Variants in SEPTIN12 observed in about 807,000 individuals in gnomAD.
The protein encoded by SEPTIN12 is septin-12.
SEPTIN12 carries 42 observed loss-of-function variants against 37.7 expected under a neutral mutation model. That is an observed-to-expected ratio of 1.11 (90% CI 0.87 to 1.44). The LOEUF (loss-of-function observed/expected upper bound fraction) is 1.44, where lower values mean the gene tolerates loss of function less well. Ranked by LOEUF, SEPTIN12 falls within the 40% of genes most tolerant of loss-of-function variation. The probability of loss-of-function intolerance (pLI) is 0.00; values close to 1 mark genes in which losing one functional copy is unlikely to be tolerated. For missense variants in SEPTIN12, 613 were observed against 479.2 expected (o/e 1.28, Z -2.61); for synonymous variants, 254 against 196.7 (o/e 1.29, Z -2.44).
intron 7 of SEPTIN12, among the ~76,000 whole-genome samples, chr16:4,781,566 T>C (rs1347113733): frequency 6.6e-6 from 1 of 152,112 alleles, no homozygotes; most frequent in Non-Finnish European, 1.5e-5. Context: ...CTTTTGTGTC[T>C]GACTGATTTT....
In SEPTIN12 at chr16:4,777,615, G is replaced by GAC. The variant is rs2082325075; in HGVS notation, c.*180_*181dup. The GAC allele has an allele frequency of 1.4e-5, 8 of 577,184 alleles. No homozygotes were observed. The highest frequency in any genetic ancestry group is 2.1e-5 in the Non-Finnish European group (7 of 327,000). The allele number at this position is 577,184 out of a possible 1,614,324, so 35.8% of individuals were successfully genotyped here. ...TGTACTCCAGCCTGGGTAACAGAGT[G>GAC]ACACCCAGCCTTTTTATTTGTGGAT... On this transcript the variant is annotated 3_prime_UTR_variant, in exon 10 of 10. Coordinates refer to ENST00000268231, the MANE Select transcript of SEPTIN12 (RefSeq NM_144605.5).
Position 4,783,734 on chromosome 16 carries a change from C to A in SEPTIN12, c.545G>T (p.Arg182Leu). The A allele has an allele frequency of 6.2e-7, 1 of 1,614,020 alleles. No homozygotes were observed. The highest frequency in any genetic ancestry group is 8.5e-7 in the Non-Finnish European group (1 of 1,179,976). Reference sequence around the variant, plus strand: ...CACCACATTCACAGTCCGGCACAGCCGCTGCAGGAACTCAATGTCCAGGGG... The same window carrying A: ...CACCACATTCACAGTCCGGCACAGCAGCTGCAGGAACTCAATGTCCAGGGG... Reference protein sequence around the residue: ...LRPLDIEFLQRLCRTVNVVPV... With the variant: ...LRPLDIEFLQLLCRTVNVVPV... The change falls in exon 6 of 10, where the codon CGG (arginine) becomes CTG (leucine). Residue 182 changes from arginine (R) to leucine (L), a missense_variant. Physicochemically the swap from Arg to Leu is moderately radical, Grantham distance 102. Coordinates refer to ENST00000268231, the MANE Select transcript of SEPTIN12 (RefSeq NM_144605.5).
chr16:4,777,937 T>C lies in SEPTIN12; in HGVS notation c.937A>G (p.Ile313Val). 1.2e-6 allele frequency: 2 copies of C among 1,608,544 alleles called. No individual in the cohort carries two copies. The highest frequency in any genetic ancestry group is 1.7e-6 in the Non-Finnish European group (2 of 1,177,802). Residue 313 changes from isoleucine (I) to valine (V), a missense_variant, in exon 10 of 10, where the codon ATC becomes GTC. Transcript: ENST00000268231. ...HNIHYENYRV[I>V]RLNESHLLPR... is the part of the protein sequence containing the mutation. ...AGCAGGTGGCTTTCATTGAGTCTGATGACGCGGTAGTTCTCATAGTGGATG... is the reference window on the plus strand; with the variant it reads ...AGCAGGTGGCTTTCATTGAGTCTGACGACGCGGTAGTTCTCATAGTGGATG...
intron 7 of SEPTIN12, among the ~76,000 whole-genome samples, chr16:4,780,424 T>C (rs954630872): frequency 6.6e-5 from 10 of 152,084 alleles, no homozygotes; most frequent in African/African-American, 1.4e-4. Flanking sequence ...TATTGGCACA[T>C]AGTTGAGCCT....
Position 4,777,984 on chromosome 16 carries a change from T to A in SEPTIN12, c.890A>T (p.Asp297Val). 6.2e-7 allele frequency: 1 copy of A among 1,611,922 alleles called. No individual in the cohort carries two copies. Among genetic ancestry groups the A allele is most frequent in the Non-Finnish European group, 8.5e-7 (1 of 1,179,106 alleles). The change falls in exon 10 of 10, where the codon GAC becomes GTC. Residue 297 changes from aspartate to valine, a missense_variant. Transcript: ENST00000268231. ...GATGTTGTGGGTTATGTCCTTCAGG[T>A]CTTGGAGGTGGGAGCTGGGGGACCG... ...RDLLIRSHLQDLKDITHNIHY... is the reference protein window; with the variant it reads ...RDLLIRSHLQVLKDITHNIHY...
intron 8 of SEPTIN12, 83 bp from the exon 9 acceptor site, chr16:4,778,220 C>A: frequency 7.2e-7 from 1 of 1,390,384 alleles, no homozygotes; most frequent in Non-Finnish European, 1.0e-6. Flanking sequence ...GACACCATTT[C>A]CCTTAGCCCT....
chr16:4,786,113 T>C lies in SEPTIN12; in HGVS notation c.167-8A>G. ...TGCCCAGCCCGCTTTGCCCTGGGAG[T>C]GGCAACCGGATGACAGCAGTTAGGG... is the stretch of plus-strand genomic sequence containing the variant. On this transcript the variant is annotated splice_region_variant and splice_polypyrimidine_tract_variant and intron_variant, in intron 2 of 9. Coordinates refer to ENST00000268231, the MANE Select transcript of SEPTIN12 (RefSeq NM_144605.5). The C allele has an allele frequency of 1.3e-6, 2 of 1,595,366 alleles. No homozygotes were observed. Among genetic ancestry groups the C allele is most frequent in the Non-Finnish European group, 1.7e-6 (2 of 1,168,550 alleles).
At position 4,777,846 on chromosome 16, in the gene SEPTIN12, G is replaced by C; in HGVS notation, c.1028C>G (p.Thr343Ser). ...ATGGGCCCCCCTGCAGACCTTGAAG[G>C]TCCGGGGGGTGGTCAGCTGTCCTGG... ...ASPGQLTTPRTFKVCRGAHDD... is the reference protein window; with the variant it reads ...ASPGQLTTPRSFKVCRGAHDD... Residue 343 changes from threonine (T) to serine (S), a missense_variant, in exon 10 of 10, where the codon ACC becomes AGC. Coordinates refer to ENST00000268231, the MANE Select transcript of SEPTIN12 (RefSeq NM_144605.5). 6.3e-7 allele frequency: 1 copy of C among 1,594,906 alleles called. No homozygotes were observed. The highest frequency in any genetic ancestry group is 8.5e-7 in the Non-Finnish European group (1 of 1,171,584).
intron 8 of SEPTIN12, 55 bp downstream of exon 8, chr16:4,779,635 G>C: frequency 1.8e-6 from 2 of 1,097,972 alleles, no homozygotes; most frequent in South Asian, 1.2e-5. Context: ...GCCCAAGGCT[G>C]CTCTGGTTTC....
chr16:4,790,768 G>A (rs1342861624), upstream of SEPTIN12, among the ~76,000 whole-genome samples: 1 of 152,154 alleles, frequency 6.6e-6, no homozygotes, highest in Non-Finnish European at 1.5e-5. Flanking sequence ...CAGCCTGGGC[G>A]ACAGAGTAAG....
chr16:4,785,701 C>T (rs1323762790), intron 4 of SEPTIN12, 106 bp downstream of exon 4: 4 of 791,216 alleles, frequency 5.1e-6, no homozygotes, highest in Non-Finnish European at 8.4e-6. Flanking sequence ...TCACTTGAAC[C>T]TGGGAGGTGG....
intron 5 of SEPTIN12, 32 bp from the exon 6 acceptor site, chr16:4,783,798 G>A (rs368926087): frequency 1.6e-5 from 25 of 1,607,204 alleles, no homozygotes; most frequent in African/African-American, 5.3e-5. Flanking sequence ...TGGGGGTGGC[G>A]GTGGTGGTGA....
upstream of SEPTIN12, chr16:4,788,806 G>A (rs1357873677): frequency 6.6e-6 from 1 of 152,232 alleles, no homozygotes; most frequent in African/African-American, 2.4e-5. Flanking sequence ...TGATAGATAA[G>A]AGAGGGTCAG....
Position 4,778,816 on chromosome 16 carries a change from A to ATG in SEPTIN12, c.824-680_824-679insCA, listed in dbSNP as rs1217034039. On this transcript the variant is annotated intron_variant, in intron 8 of 9. Transcript: ENST00000268231. ...CTCTGTCTCAAAAAAATATATATAT[A>ATG]TAGTATAGAATATTTCTAATAATTA... Among the ~76,000 whole-genome samples the ATG allele has an allele frequency of 4.7e-5, 7 of 150,210 alleles. No individual in the cohort carries two copies. In the East Asian group the frequency reaches 1.2e-3, roughly 25 times the overall value.
At chr16:4,781,536 G>C (rs2082371346) in intron 7 of SEPTIN12, among the ~76,000 whole-genome samples, 1 of 151,912 alleles carries the variant, frequency 6.6e-6, no homozygotes, top group Non-Finnish European at 1.5e-5. Context: ...TCATATAAAT[G>C]GAATCCCATA....
upstream of SEPTIN12, chr16:4,788,409 ACCC>A (rs947307210): frequency 2.6e-5 from 4 of 152,366 alleles, no homozygotes; most frequent in Middle Eastern, 3.2e-3. Flanking sequence ...ACTTGCTGTG[ACCC>A]CCACCTGGAG....
chr16:4,786,548 G>T (rs1307220171), intron 2 of SEPTIN12, among the ~76,000 whole-genome samples: 1 of 151,564 alleles, frequency 6.6e-6, no homozygotes, highest in Non-Finnish European at 1.5e-5. Flanking sequence ...GTAGAGACGG[G>T]GTTTCACCAT....
At chr16:4,779,039 G>A (rs1187160203) in intron 8 of SEPTIN12, among the ~76,000 whole-genome samples, 1 of 151,932 alleles carries the variant, frequency 6.6e-6, no homozygotes, top group Non-Finnish European at 1.5e-5. Context: ...TTGGGAGGCT[G>A]AGACAGGAGA....
rs113652935 is a variant in SEPTIN12, at chr16:4,779,827, G to A, written c.727-41C>T. On this transcript the variant is annotated intron_variant, in intron 7 of 9. Transcript: ENST00000268231. ...ACACAGAGATGGGAGGATTGACTTC[G>A]CTGGGGAGAAGAGAAGAAAAGTCAA... 4,448 of 1,386,346 alleles carry A rather than the reference G, an allele frequency of 3.2e-3. 50 individuals are homozygous for A. Among genetic ancestry groups the A allele is most frequent in the African/African-American group, 0.02 (1,387 of 70,662 alleles). 85.9% of individuals were successfully genotyped at this position (1,386,346 alleles called of 1,614,324 possible). A position where few individuals can be genotyped will look rare whatever the true frequency, so the allele number is the denominator to read the frequency against.
Sources: gnomAD v4.1 joint callset for allele counts (sites outside exome capture counted in the v4.1 genomes callset) on GRCh38, gnomAD v4.1.1 for gene constraint, MANE v1.5 for transcripts, NCBI Gene and HGNC (gene_info 2026-07-23, HGNC 2026-07-21) for gene names.